FGF13: variants seen among roughly 807,000 people sequenced by gnomAD.
FGF13 encodes the protein fibroblast growth factor 13, also known as fibroblast growth factor homologous factor 2.
Under a neutral mutation model 19.5 loss-of-function variants are expected in FGF13, and 2 were observed. That is an observed-to-expected ratio of 0.10 (90% confidence interval 0.04 to 0.32). The LOEUF (loss-of-function observed/expected upper bound fraction) is 0.32, where lower values mean the gene tolerates loss of function less well. Among genes scored for constraint, FGF13 ranks in the 10% least tolerant of loss-of-function variants. FGF13 has a pLI of 1.00. For synonymous variants in FGF13, 72 were observed against 76.9 expected (o/e 0.94, Z 0.33); for missense variants, 113 against 192.7 (o/e 0.59, Z 2.45).
At chrX:139,164,981 G>A (rs1188167018) in intron 1 of FGF13, among the ~76,000 whole-genome samples, 1 of 111,478 alleles carries the variant, frequency 9.0e-6, no homozygotes, top group African/African-American at 3.3e-5. Context: ...GGAGACTCTG[G>A]GGAGGGCTCA....
chrX:138,876,809 A>T (rs949729207), intron 1 of FGF13, among the ~76,000 whole-genome samples: 3 of 112,294 alleles, frequency 2.7e-5, no homozygotes, highest in African/African-American at 9.7e-5. Context: ...GTGATGGACC[A>T]GAATATTTAA....
At chrX:139,164,221 C>G (rs2084060715) in intron 1 of FGF13, among the ~76,000 whole-genome samples, 1 of 110,378 alleles carries the variant, frequency 9.1e-6, no homozygotes, top group South Asian at 3.8e-4. Context: ...CGTCATCTAG[C>G]ATTAGGTATA....
intron 3 of FGF13, among the ~76,000 whole-genome samples, chrX:138,798,530 T>C (rs1331634371): frequency 1.8e-5 from 2 of 111,882 alleles, no homozygotes; most frequent in Non-Finnish European, 3.8e-5. Flanking sequence ...TTTTTTCTTT[T>C]TCTGTTGTGT....
chrX:139,119,051 A>C (rs5976276), intron 1 of FGF13, among the ~76,000 whole-genome samples: 1,744 of 110,309 alleles, frequency 0.016, 31 homozygotes, highest in African/African-American at 0.054. Context: ...AAAAATAAAA[A>C]ATTAGCTGAG....
chrX:138,908,228 G>A (rs1375993679), intron 1 of FGF13, among the ~76,000 whole-genome samples: 1 of 106,015 alleles, frequency 9.4e-6, no homozygotes, highest in Non-Finnish European at 1.9e-5. Flanking sequence ...CCGCCACTGC[G>A]CCCGGCTAAA....
At chrX:138,949,664 G>C (rs2091800202) in intron 1 of FGF13, among the ~76,000 whole-genome samples, 1 of 111,651 alleles carries the variant, frequency 9.0e-6, no homozygotes, top group African/African-American at 3.3e-5. Flanking sequence ...TATATGTTTA[G>C]CAGACAGATA....
chrX:139,100,557 A>G (rs1255160165), intron 1 of FGF13, among the ~76,000 whole-genome samples: 2 of 111,290 alleles, frequency 1.8e-5, no homozygotes, highest in East Asian at 5.7e-4. Context: ...AAAAAAACTT[A>G]CGTTTAAAGG....
chrX:138,932,861 T>C (rs990635194), intron 1 of FGF13, among the ~76,000 whole-genome samples: 7 of 110,587 alleles, frequency 6.3e-5, no homozygotes, highest in African/African-American at 2.3e-4. Flanking sequence ...GCCCCTGCTC[T>C]ACAGGCCCTG....
chrX:138,992,105 TAC>T (rs1054866606), intron 1 of FGF13, among the ~76,000 whole-genome samples: 4 of 34,435 alleles, frequency 1.2e-4, no homozygotes, highest in African/African-American at 2.1e-4. Context: ...CACATATATA[TAC>T]ATGTGTGTGT....
chrX:138,820,247 A>T (rs183289056), intron 3 of FGF13, among the ~76,000 whole-genome samples: 1 of 112,373 alleles, frequency 8.9e-6, no homozygotes, highest in African/African-American at 3.2e-5. Context: ...TAACTTACCA[A>T]TTACAGACAG....
At chrX:139,188,300 A>C (rs2084297406) in intron 1 of FGF13, among the ~76,000 whole-genome samples, 1 of 112,432 alleles carries the variant, frequency 8.9e-6, no homozygotes, top group Non-Finnish European at 1.9e-5. Context: ...GAAAATAAAT[A>C]TATCTGCAGG....
At chrX:138,940,515 T>C (rs2091752592) in intron 1 of FGF13, among the ~76,000 whole-genome samples, 1 of 111,904 alleles carries the variant, frequency 8.9e-6, no homozygotes, top group Non-Finnish European at 1.9e-5. Context: ...TGTGTCTATG[T>C]CCTGAATGGT....
intron 1 of FGF13, among the ~76,000 whole-genome samples, chrX:138,722,864 A>C (rs1323499839): frequency 1.8e-5 from 2 of 111,839 alleles, no homozygotes; most frequent in Non-Finnish European, 3.8e-5. Flanking sequence ...TAACAGGAAT[A>C]ATAATAACAG....
chrX:139,188,576 A>G (rs1376516510), intron 1 of FGF13, among the ~76,000 whole-genome samples: 4 of 111,798 alleles, frequency 3.6e-5, no homozygotes, highest in Non-Finnish European at 3.8e-5. Flanking sequence ...AGGAGACAGA[A>G]TTCACAGTGG....
intron 1 of FGF13, among the ~76,000 whole-genome samples, chrX:138,973,716 C>A (rs1315216455): frequency 8.9e-6 from 1 of 112,031 alleles, no homozygotes; most frequent in South Asian, 3.7e-4. Flanking sequence ...TATCTTCTTT[C>A]TGTATTCCCC....
intron 1 of FGF13, among the ~76,000 whole-genome samples, chrX:139,104,903 C>T (rs758306004): frequency 9.0e-6 from 1 of 111,363 alleles, no homozygotes; most frequent in East Asian, 2.8e-4. Context: ...GTAGGGGAGA[C>T]AAACATTCAG....
upstream of FGF13, chrX:138,739,480 A>G (rs2090304748): frequency 3.0e-6 from 1 of 328,890 alleles, no homozygotes. Flanking sequence ...TTAATGATTC[A>G]TCATGTAGCA....
intron 1 of FGF13, among the ~76,000 whole-genome samples, chrX:139,096,749 T>C (rs535489863): frequency 8.9e-6 from 1 of 112,207 alleles, no homozygotes; most frequent in East Asian, 2.8e-4. Flanking sequence ...GTCAATGCTA[T>C]GAGTAACTTT....
At chrX:138,714,015 A>G (rs969921529), upstream of FGF13, 7 of 111,300 alleles carry the variant, frequency 6.3e-5, no homozygotes. Flanking sequence ...ATATTGAAAA[A>G]TGAAGAGTAT....
Sources: gnomAD v4.1 joint callset for allele counts (sites outside exome capture counted in the v4.1 genomes callset) on GRCh38, gnomAD v4.1.1 for gene constraint, MANE v1.5 for transcripts, NCBI Gene and HGNC (gene_info 2026-07-23, HGNC 2026-07-21) for gene names.